Variants in MAP4 observed in about 807,000 individuals in gnomAD.
MAP4 encodes microtubule-associated protein 4.
In MAP4, 76 loss-of-function variants were observed where a neutral mutation model predicts 170.2. The observed-to-expected ratio is 0.45, with a 90% CI of 0.37 to 0.54. The LOEUF is 0.54. Among genes scored for constraint, MAP4 ranks in the 20% least tolerant of loss-of-function variants. The pLI, the probability that MAP4 is intolerant of heterozygous loss-of-function variation, is 0.00. For synonymous variants in MAP4, 909 were observed against 994.5 expected, an observed-to-expected ratio of 0.91 and a Z score of 1.62; for missense variants, 2,506 against 2,748.0, an observed-to-expected ratio of 0.91 and a Z score of 1.97.
intron 1 of MAP4, among the ~76,000 whole-genome samples, chr3:48,003,312 A>G (rs1434975769): frequency 6.6e-6 from 1 of 151,750 alleles, no homozygotes; most frequent in South Asian, 2.1e-4. Flanking sequence ...ATATTAGCCA[A>G]GCATGGTGGT....
At chr3:47,985,132 T>G (rs1276942164) in intron 2 of MAP4, among the ~76,000 whole-genome samples, 2 of 151,090 alleles carry the variant, frequency 1.3e-5, no homozygotes, top group Non-Finnish European at 2.9e-5. Flanking sequence ...ATACAAAAAT[T>G]AGCCAGGCAT....
At chr3:47,878,590 A>C (rs2096001597) in intron 10 of MAP4, among the ~76,000 whole-genome samples, 1 of 152,206 alleles carries the variant, frequency 6.6e-6, no homozygotes, top group African/African-American at 2.4e-5. Context: ...CCCAGGCTGG[A>C]GTGCAATGCT....
chr3:47,933,435 GT>G (rs991469281), intron 3 of MAP4, among the ~76,000 whole-genome samples: 33 of 151,848 alleles, frequency 2.2e-4, no homozygotes, highest in Admixed American at 2.2e-3. Flanking sequence ...CCTCAATAAA[GT>G]TTTTTTCTTT....
intron 1 of MAP4, among the ~76,000 whole-genome samples, chr3:48,074,882 C>T (rs1318088628): frequency 1.3e-5 from 2 of 151,970 alleles, no homozygotes; most frequent in Non-Finnish European, 2.9e-5. Flanking sequence ...GGAAAGGCAT[C>T]CCACGTTCAT....
chr3:47,911,884 G>C lies in MAP4; in HGVS notation c.2537C>G (p.Ala846Gly), dbSNP rs1425643938. ...GAGACTCTCTGAGACAAAGTTCTCAGCTACCAGTCTGGCTGCACTGGAGTT... is the reference window on the plus strand; with the variant it reads ...GAGACTCTCTGAGACAAAGTTCTCACCTACCAGTCTGGCTGCACTGGAGTT... ...LVNSSAARLV[A>G]ENFVSESLRI... Residue 846 changes from alanine (A) to glycine (G), a missense_variant, in exon 9 of 21, where the codon GCT becomes GGT. Transcript: ENST00000683076. This position sits in a 1 kb window ranked among gnomAD's most constrained non-coding sequence, Gnocchi z 4.0. 1.3e-6 allele frequency: 2 copies of C among 1,536,100 alleles called. No homozygotes were observed. Among genetic ancestry groups the C allele is most frequent in the Admixed American group, 2.0e-5 (1 of 51,002 alleles).
intron 1 of MAP4, among the ~76,000 whole-genome samples, chr3:48,076,222 C>T (rs1326357476): frequency 6.6e-6 from 1 of 151,666 alleles, no homozygotes; most frequent in Non-Finnish European, 1.5e-5. Flanking sequence ...CTCAGCCGGG[C>T]GCAGTGGCTC....
At chr3:48,016,126 C>T (rs2100107678) in intron 1 of MAP4, among the ~76,000 whole-genome samples, 1 of 152,184 alleles carries the variant, frequency 6.6e-6, no homozygotes. Context: ...GAGGCCATCA[C>T]ACAGCTACAT....
intron 1 of MAP4, among the ~76,000 whole-genome samples, chr3:48,077,429 A>G (rs2100144490): frequency 1.3e-5 from 2 of 151,632 alleles, no homozygotes; most frequent in South Asian, 4.2e-4. Context: ...CTGGGCAACA[A>G]GAACGAAACT....
At chr3:48,047,437 G>A (rs563950741) in intron 1 of MAP4, among the ~76,000 whole-genome samples, 2 of 152,158 alleles carry the variant, frequency 1.3e-5, no homozygotes, top group Non-Finnish European at 2.9e-5. Context: ...AGCAAGCAGA[G>A]CAAAATCAGA....
At chr3:48,083,048 G>C (rs1306470494) in intron 1 of MAP4, among the ~76,000 whole-genome samples, 2 of 152,100 alleles carry the variant, frequency 1.3e-5, no homozygotes, top group African/African-American at 2.4e-5. Flanking sequence ...TCACCTATTG[G>C]AAGAAACTAA....
chr3:47,927,340 T>TG (rs2100046631), intron 4 of MAP4, among the ~76,000 whole-genome samples: 1 of 152,122 alleles, frequency 6.6e-6, no homozygotes, highest in South Asian at 2.1e-4. Context: ...CATATTTAAG[T>TG]GGAAACATAA....
chr3:47,930,165 G>T (rs2100048682), intron 3 of MAP4, among the ~76,000 whole-genome samples: 1 of 151,980 alleles, frequency 6.6e-6, no homozygotes. Context: ...CAAAAGACAG[G>T]CCGGGCGCGG....
At chr3:47,858,945 G>A (rs904420869) in intron 17 of MAP4, among the ~76,000 whole-genome samples, 12 of 152,142 alleles carry the variant, frequency 7.9e-5, no homozygotes, top group East Asian at 5.8e-4. Flanking sequence ...TGGCTAACAT[G>A]GTGAAACCCC....
chr3:48,052,701 G>C (rs1036067722), intron 1 of MAP4, among the ~76,000 whole-genome samples: 2 of 152,074 alleles, frequency 1.3e-5, no homozygotes, highest in African/African-American at 4.8e-5. Context: ...TCATAAATTA[G>C]AATCAAAAGC....
chr3:47,870,798 G>A lies in MAP4; in HGVS notation c.6294+15C>T. On this transcript the variant is annotated intron_variant, in intron 15 of 20. Transcript: ENST00000683076. ...AGGGGCCAGCATGCCAGGACCCCAA[G>A]CTCCCTGGACCCACCCGGCCTCCTC... 1 of 1,523,012 alleles carries A rather than the reference G, an allele frequency of 6.6e-7. No homozygotes were observed. Among genetic ancestry groups the A allele is most frequent in the South Asian group, 1.3e-5 (1 of 76,098 alleles). 94.3% of individuals were successfully genotyped at this position (1,523,012 alleles called of 1,614,324 possible). A position where few individuals can be genotyped will look rare whatever the true frequency, so the allele number is the denominator to read the frequency against.
At chr3:48,008,084 C>A (rs905821941) in intron 1 of MAP4, among the ~76,000 whole-genome samples, 1 of 152,170 alleles carries the variant, frequency 6.6e-6, no homozygotes, top group African/African-American at 2.4e-5. Context: ...CTTTCAGACC[C>A]ATCTAGCCAT....
chr3:48,084,386 T>TAA (rs548681084), intron 1 of MAP4, among the ~76,000 whole-genome samples: 138 of 104,382 alleles, frequency 1.3e-3, no homozygotes, highest in African/African-American at 1.9e-3. Flanking sequence ...ATCTCATCTC[T>TAA]AAAAAAAAAA....
Position 47,928,312 on chromosome 3 carries a change from G to A in MAP4, c.331C>T (p.Gln111Ter). The A allele has an allele frequency of 6.2e-7, 1 of 1,613,972 alleles. No individual in the cohort carries two copies. ...TEFLEEKMAY[Q>*]EYPNSQNWPE... The stretch of plus-strand genomic sequence containing the variant: ...CAGTTCTGGCTATTTGGGTATTCCT[G>A]GTAGGCCATTTTCTCTTCAAGGAAT... Residue 111 changes from glutamine (Q) to a stop codon, truncating the protein, a stop_gained, in exon 4 of 21, where the codon CAG (glutamine) becomes TAG (stop). Transcript: ENST00000683076. LOFTEE classifies it high-confidence loss of function.
At chr3:47,979,299 G>C (rs538112458) in intron 2 of MAP4, among the ~76,000 whole-genome samples, 1 of 151,830 alleles carries the variant, frequency 6.6e-6, no homozygotes, top group Non-Finnish European at 1.5e-5. Context: ...AGAGTCATTT[G>C]TGGAAAAAGT....
Sources: allele counts gnomAD v4.1 joint callset (sites outside exome capture counted in the v4.1 genomes callset), GRCh38; gene constraint gnomAD v4.1.1; non-coding constraint Gnocchi (gnomAD v3.1); transcripts MANE v1.5; gene names NCBI Gene and HGNC (gene_info 2026-07-23, HGNC 2026-07-21).